The following RPH3AL variants were observed in gnomAD, a reference collection of about 807,000 sequenced individuals.
The protein encoded by RPH3AL is rab effector Noc2.
RPH3AL carries 38 observed loss-of-function variants against 43.1 expected under a neutral mutation model. That is an observed-to-expected ratio of 0.88 (90% CI 0.68 to 1.15). The LOEUF is 1.15. Among genes scored for constraint, RPH3AL ranks in the 50% most tolerant of loss-of-function variants. RPH3AL has a pLI of 0.00. For missense variants in RPH3AL, 462 were observed against 423.2 expected (o/e 1.09, Z -0.81); for synonymous variants, 189 against 176.3 (o/e 1.07, Z -0.57).
intron 6 of RPH3AL, among the ~76,000 whole-genome samples, chr17:262,916 C>G (rs780604594): frequency 7.5e-4 from 114 of 152,198 alleles, no homozygotes; most frequent in Non-Finnish European, 1.5e-3. Flanking sequence ...GTTTTCCCCT[C>G]TCCTCTGCCC....
At chr17:239,298 T>A (rs959537118) in intron 7 of RPH3AL, among the ~76,000 whole-genome samples, 1 of 152,228 alleles carries the variant, frequency 6.6e-6, no homozygotes, top group Non-Finnish European at 1.5e-5. Context: ...ATTGTGTTAT[T>A]TTTAACATTT....
At chr17:324,277 C>T (rs1395566255) in intron 3 of RPH3AL, among the ~76,000 whole-genome samples, 1 of 152,222 alleles carries the variant, frequency 6.6e-6, no homozygotes, top group Non-Finnish European at 1.5e-5. Flanking sequence ...CACGTTCCTG[C>T]CTCCACCTGC....
intron 6 of RPH3AL, among the ~76,000 whole-genome samples, chr17:271,695 A>G (rs2042466993): frequency 6.6e-6 from 1 of 152,316 alleles, no homozygotes; most frequent in African/African-American, 2.4e-5. Flanking sequence ...TTCTAGATAT[A>G]CAATCATGTC....
At chr17:315,228 C>T (rs2043934482) in intron 5 of RPH3AL, among the ~76,000 whole-genome samples, 1 of 145,588 alleles carries the variant, frequency 6.9e-6, no homozygotes, top group Non-Finnish European at 1.5e-5. Context: ...CTCTGTGCCC[C>T]CACCTTCATT....
rs1473774947 is a variant in RPH3AL at position 259,180 on chromosome 17, T to A, written c.439-11895A>T. Among the ~76,000 whole-genome samples, 3 of 152,176 alleles carry A rather than the reference T, an allele frequency of 2.0e-5. No homozygotes were observed. In the East Asian group the frequency reaches 5.8e-4, roughly 29 times the overall value. ...AAGAGCTCACCCTGACCATCCAGCATGGCTGGTGATCTGGACCAGCGTGAG... is the reference window on the plus strand; with the variant it reads ...AAGAGCTCACCCTGACCATCCAGCAAGGCTGGTGATCTGGACCAGCGTGAG... On this transcript the variant is annotated intron_variant, in intron 6 of 9. Coordinates refer to ENST00000331302, the MANE Select transcript of RPH3AL (RefSeq NM_006987.4).
chr17:305,242 G>C (rs1415328556), intron 5 of RPH3AL, among the ~76,000 whole-genome samples: 2 of 151,954 alleles, frequency 1.3e-5, no homozygotes, highest in African/African-American at 4.8e-5. Context: ...GTACAACCTC[G>C]TGTCCAGGCA....
At chr17:275,291 G>A (rs1006431341) in intron 6 of RPH3AL, among the ~76,000 whole-genome samples, 2 of 151,234 alleles carry the variant, frequency 1.3e-5, no homozygotes, top group Admixed American at 1.3e-4. Flanking sequence ...ATGGTAGAAT[G>A]GATAAATAGG....
intron 6 of RPH3AL, among the ~76,000 whole-genome samples, chr17:276,000 G>T (rs2042646948): frequency 6.6e-6 from 1 of 152,356 alleles, no homozygotes; most frequent in Admixed American, 6.5e-5. Flanking sequence ...GAGCTAAGCA[G>T]CCAGTTTACA....
chr17:350,429 G>C lies in RPH3AL; in HGVS notation c.-213+2283C>G, dbSNP rs146166779. 1.1e-4 allele frequency among the ~76,000 whole-genome samples: 17 copies of C among 152,184 alleles called. No individual in the cohort carries two copies. In the East Asian group the frequency reaches 3.1e-3, roughly 28 times the overall value. On this transcript the variant is annotated intron_variant, in intron 1 of 9. Transcript: ENST00000331302. Reference sequence around the variant, plus strand: ...GATCAAGACCAGCCTGGCCAACATGGGTGAAACACCATCTCCACTAAAAAT... The same window carrying C: ...GATCAAGACCAGCCTGGCCAACATGCGTGAAACACCATCTCCACTAAAAAT...
chr17:258,893 C>T (rs1439435391), intron 6 of RPH3AL, among the ~76,000 whole-genome samples: 1 of 151,886 alleles, frequency 6.6e-6, no homozygotes, highest in Admixed American at 6.6e-5. Flanking sequence ...CCCGAGTAGC[C>T]AGGACCACAG....
chr17:321,463 C>T (rs766864059), intron 3 of RPH3AL, 48 bp from the exon 4 acceptor site: 1 of 1,508,598 alleles, frequency 6.6e-7, no homozygotes. Context: ...CCGGTGCAAA[C>T]TCCGGCAGCC....
chr17:312,549 C>T (rs573077037), intron 5 of RPH3AL, among the ~76,000 whole-genome samples: 49 of 152,300 alleles, frequency 3.2e-4, no homozygotes, highest in South Asian at 6.2e-4. Flanking sequence ...GTCACTCAGC[C>T]TCTTCTGAAA....
chr17:311,049 G>A (rs961274208), intron 5 of RPH3AL, among the ~76,000 whole-genome samples: 1 of 151,862 alleles, frequency 6.6e-6, no homozygotes, highest in Admixed American at 6.6e-5. Flanking sequence ...CTGCTCAAAT[G>A]CAGCTCGTCC....
At position 320,434 on chromosome 17, in the gene RPH3AL, G is replaced by A. The variant is rs1383845127; in HGVS notation, c.221+838C>T. 3.3e-5 allele frequency among the ~76,000 whole-genome samples: 5 copies of A among 152,172 alleles called. No homozygotes were observed. In the East Asian group the frequency reaches 7.8e-4, roughly 24 times the overall value. ...GCGGATCGCTTGAGCCCAGAAGTTC[G>A]AGAGCAGCCTGGGTAACATAGTGAG... is the stretch of plus-strand genomic sequence containing the variant. On this transcript the variant is annotated intron_variant, in intron 4 of 9. Transcript: ENST00000331302.
At chr17:295,321 A>G (rs2043149788) in intron 5 of RPH3AL, among the ~76,000 whole-genome samples, 1 of 147,746 alleles carries the variant, frequency 6.8e-6, no homozygotes, top group African/African-American at 2.5e-5. Context: ...AATGCACATC[A>G]GTGTGGGAGG....
chr17:298,174 C>G (rs566934365), intron 5 of RPH3AL, among the ~76,000 whole-genome samples: 3 of 152,214 alleles, frequency 2.0e-5, no homozygotes, highest in African/African-American at 7.2e-5. Flanking sequence ...TGAGTCAGCA[C>G]AGACCACCCA....
chr17:333,354 C>T lies in RPH3AL; in HGVS notation c.-37+405G>A. 1 of 1,209,512 alleles carries T rather than the reference C, an allele frequency of 8.3e-7. No homozygotes were observed. The highest frequency in any genetic ancestry group is 1.1e-6 in the Non-Finnish European group (1 of 919,314). The allele number at this position is 1,209,512 out of a possible 1,614,324, so 74.9% of individuals were successfully genotyped here. A position where few individuals can be genotyped will look rare whatever the true frequency, so the allele number is the denominator to read the frequency against. ...CCTTAAATTCTCACATCAGCCACCCCCATGGCGACTCTTAACACCTTAATG... is the reference window on the plus strand; with the variant it reads ...CCTTAAATTCTCACATCAGCCACCCTCATGGCGACTCTTAACACCTTAATG... On this transcript the variant is annotated intron_variant, in intron 2 of 9. Coordinates refer to ENST00000331302, the MANE Select transcript of RPH3AL (RefSeq NM_006987.4). The surrounding 1 kb of genome is among the most constrained non-coding windows in gnomAD (Gnocchi z 4.5).
intron 1 of RPH3AL, among the ~76,000 whole-genome samples, chr17:334,575 C>G (rs1472054784): frequency 7.5e-6 from 1 of 133,806 alleles, no homozygotes; most frequent in Non-Finnish European, 1.6e-5. Flanking sequence ...CAGGGCCAGC[C>G]CATCCACTGT....
chr17:235,245 G>A lies in RPH3AL; in HGVS notation c.613+11866C>T, dbSNP rs537370617. Among the ~76,000 whole-genome samples, 1,035 of 145,454 alleles carry A rather than the reference G, an allele frequency of 7.1e-3. 14 individuals are homozygous for A. The highest frequency in any genetic ancestry group is 0.022 in the Middle Eastern group (6 of 272). ...GGCGGAGGCTCCGCACTAACAAGAC[G>A]GGTCCAGGGTCCAAAGCTGGGGTCG... On this transcript the variant is annotated intron_variant, in intron 7 of 9. Coordinates refer to ENST00000331302, the MANE Select transcript of RPH3AL (RefSeq NM_006987.4).
Sources: gnomAD v4.1 joint callset for allele counts (sites outside exome capture counted in the v4.1 genomes callset) on GRCh38, gnomAD v4.1.1 for gene constraint, Gnocchi (gnomAD v3.1) non-coding constraint, MANE v1.5 for transcripts, NCBI Gene and HGNC (gene_info 2026-07-23, HGNC 2026-07-21) for gene names.